ZER1: variants seen among roughly 807,000 people sequenced by gnomAD.
The protein encoded by ZER1 is protein zer-1 homolog.
Under a neutral mutation model 78.8 loss-of-function variants are expected in ZER1, and 11 were observed. The observed-to-expected ratio is 0.14, with a 90% CI of 0.09 to 0.23. ZER1 has a LOEUF of 0.23. ZER1 is among the 10% of genes least tolerant of loss of function. The probability of loss-of-function intolerance (pLI) is 1.00; values close to 1 mark genes in which losing one functional copy is unlikely to be tolerated. For synonymous variants in ZER1, 400 were observed against 407.0 expected (o/e 0.98, Z 0.21); for missense variants, 588 against 996.9 (o/e 0.59, Z 5.52).
At chr9:128,758,027 CTACTAAA>C (rs1357834180) in intron 1 of ZER1, among the ~76,000 whole-genome samples, 2 of 151,428 alleles carry the variant, frequency 1.3e-5, no homozygotes, top group African/African-American at 4.9e-5. Flanking sequence ...GTATATTCAT[CTACTAAA>C]TACTGCATGG....
rs1564401112 is a variant in ZER1 at position 128,750,601 on chromosome 9, C to CG, written c.1359+14dup. On this transcript the variant is annotated intron_variant, in intron 8 of 15. Coordinates refer to ENST00000291900, the MANE Select transcript of ZER1 (RefSeq NM_006336.4). ...TGGGCCAGAGCATGCGGGGCCGTGGCGGGTGGGGGCTCACCGTCACCTCCT... is the reference window on the plus strand; with the variant it reads ...TGGGCCAGAGCATGCGGGGCCGTGGCGGGGTGGGGGCTCACCGTCACCTCCT... The CG allele has an allele frequency of 1.2e-6, 2 of 1,611,158 alleles. No homozygotes were observed. Among genetic ancestry groups the CG allele is most frequent in the South Asian group, 2.2e-5 (2 of 91,014 alleles).
chr9:128,767,616 A>G (rs1308527506), intron 1 of ZER1, among the ~76,000 whole-genome samples: 3 of 152,178 alleles, frequency 2.0e-5, no homozygotes, highest in Non-Finnish European at 2.9e-5. Flanking sequence ...ACAATGGTTG[A>G]AAGATGAGCA....
intron 1 of ZER1, among the ~76,000 whole-genome samples, chr9:128,771,095 CCAAGA>C (rs1268964821): frequency 1.3e-5 from 2 of 152,292 alleles, no homozygotes; most frequent in Non-Finnish European, 2.9e-5. Context: ...CAAAGAGCAG[CCAAGA>C]CAAGTTCCAC....
At chr9:128,735,170 C>T (rs1434409330) in intron 14 of ZER1, among the ~76,000 whole-genome samples, 164 bp downstream of exon 14, 1 of 152,208 alleles carries the variant, frequency 6.6e-6, no homozygotes, top group Non-Finnish European at 1.5e-5. Flanking sequence ...GGAGTGAGCC[C>T]TTAAGCTGGG....
In ZER1 at chr9:128,748,020, C is replaced by G. The variant is rs564979345; in HGVS notation, c.1359+2596G>C. 7.2e-5 allele frequency among the ~76,000 whole-genome samples: 11 copies of G among 152,232 alleles called. No individual in the cohort carries two copies. In the East Asian group the frequency reaches 9.6e-4, roughly 13 times the overall value. ...TTATAATCCCAGCACTTTGGGAAAC[C>G]AAGGCAGGAGGATCACTTGAGCTAG... is the stretch of plus-strand genomic sequence containing the variant. On this transcript the variant is annotated intron_variant, in intron 8 of 15. Transcript: ENST00000291900.
Position 128,752,684 on chromosome 9 carries a change from C to T in ZER1, c.912G>A (p.Ala304=), listed in dbSNP as rs370978823. The change falls in exon 5 of 16, where the codon GCG becomes GCA. Residue 304 remains alanine, a synonymous_variant. Coordinates refer to ENST00000291900, the MANE Select transcript of ZER1 (RefSeq NM_006336.4). ...GGCTGGGGCCCCACCTGGTCTGCCCCGCTTCCTCTTCCATCTTGGAGATGC... is the reference window on the plus strand; with the variant it reads ...GGCTGGGGCCCCACCTGGTCTGCCCTGCTTCCTCTTCCATCTTGGAGATGC... ...NCSISKMEEE[A]GQTSIEPSKS... 40 of 1,612,618 alleles carry T rather than the reference C, an allele frequency of 2.5e-5. 1 individual carries two copies. The highest frequency in any genetic ancestry group is 1.9e-4 in the South Asian group (17 of 90,814).
chr9:128,765,295 G>A (rs1864174377), intron 1 of ZER1, among the ~76,000 whole-genome samples: 1 of 152,070 alleles, frequency 6.6e-6, no homozygotes, highest in Non-Finnish European at 1.5e-5. Context: ...TCTGACTTCG[G>A]TGCCCAATTT....
chr9:128,757,046 GC>G (rs1316224343), intron 1 of ZER1, among the ~76,000 whole-genome samples: 1 of 152,132 alleles, frequency 6.6e-6, no homozygotes, highest in Non-Finnish European at 1.5e-5. Context: ...TTCTGTTCAT[GC>G]ATACACAAAA....
chr9:128,749,179 T>C (rs1235504116), intron 8 of ZER1, among the ~76,000 whole-genome samples: 1 of 150,772 alleles, frequency 6.6e-6, no homozygotes, highest in Non-Finnish European at 1.5e-5. Flanking sequence ...AATACAAATA[T>C]TAGCCTGGCA....
chr9:128,768,627 G>A (rs1410264475), intron 1 of ZER1, among the ~76,000 whole-genome samples: 1 of 152,140 alleles, frequency 6.6e-6, no homozygotes, highest in Non-Finnish European at 1.5e-5. Context: ...TAAGTGCTCT[G>A]ACCTTTCATT....
At position 128,732,482 on chromosome 9, in the gene ZER1, GC is replaced by G. The variant is rs1198788309; in HGVS notation, c.2243+943del. Among the ~76,000 whole-genome samples the G allele has an allele frequency of 2.0e-5, 3 of 152,188 alleles. No homozygotes were observed. The highest frequency in any genetic ancestry group is 4.4e-5 in the Non-Finnish European group (3 of 68,040). The stretch of plus-strand genomic sequence containing the variant: ...CCTCCTGGATTCAAGTGATTCTCCT[GC>G]CTCAGCCTCCCAAGTGGCTGGGATT... On this transcript the variant is annotated intron_variant, in intron 15 of 15. Transcript: ENST00000291900. The surrounding 1 kb of genome is among the most constrained non-coding windows in gnomAD (Gnocchi z 4.8).
rs750423863 is a variant in ZER1 at position 128,751,514 on chromosome 9, T to C, written c.937A>G (p.Lys313Glu). ...EAGQTSIEPS[K>E]SSIIPFRALK... ...GCCCGGAAAGGTATGATGCTGCTCT[T>C]GGAAGGCTCAATGCTGGGGAAAGAG... The change falls in exon 6 of 16, where the codon AAG (lysine) becomes GAG (glutamate). Residue 313 changes from lysine (K) to glutamate (E), a missense_variant. Lys to Glu is a moderately conservative substitution (Grantham distance 56, BLOSUM62 1). Transcript: ENST00000291900. This position sits in a 1 kb window ranked among gnomAD's most constrained non-coding sequence, Gnocchi z 5.4. The C allele has an allele frequency of 1.2e-6, 2 of 1,613,556 alleles. No individual in the cohort carries two copies. The highest frequency in any genetic ancestry group is 1.1e-5 in the South Asian group (1 of 91,086).
chr9:128,752,986 C>G, intron 4 of ZER1, 137 bp from the exon 5 acceptor site: 1 of 1,256,146 alleles, frequency 8.0e-7, no homozygotes, highest in Non-Finnish European at 1.1e-6. Context: ...TGGGAAGAAA[C>G]CCCAAACAGC....
chr9:128,738,070 A>C (rs1231160147), intron 13 of ZER1, among the ~76,000 whole-genome samples: 1 of 142,690 alleles, frequency 7.0e-6, no homozygotes, highest in Non-Finnish European at 1.5e-5. Context: ...TTTGAGACGG[A>C]GTCTCGCTCT....
intron 1 of ZER1, among the ~76,000 whole-genome samples, chr9:128,768,953 T>TC (rs967011090): frequency 1.4e-5 from 2 of 147,214 alleles, no homozygotes; most frequent in African/African-American, 4.9e-5. Context: ...ATTTTAATTC[T>TC]TTTTTTTTTA....
intron 1 of ZER1, among the ~76,000 whole-genome samples, chr9:128,756,080 A>G (rs1199582927): frequency 6.6e-6 from 1 of 152,198 alleles, no homozygotes; most frequent in Admixed American, 6.5e-5. Context: ...TAGACATGAT[A>G]TCACTGAATC....
chr9:128,743,263 G>A (rs1337016415), intron 8 of ZER1, among the ~76,000 whole-genome samples: 4 of 151,878 alleles, frequency 2.6e-5, no homozygotes, highest in Middle Eastern at 3.4e-3. Flanking sequence ...GATTACAGGC[G>A]TGCCACCATG....
At chr9:128,735,757 CCTGGTTTTTTTTT>C (rs1327536496) in intron 13 of ZER1, among the ~76,000 whole-genome samples, 946 of 77,360 alleles carry the variant, frequency 0.012, 162 homozygotes, top group African/African-American at 0.032. Context: ...GCACGTGTGA[CCTGGTTTTTTTTT>C]TTTTTTTTTT....
chr9:128,743,889 CCT>C (rs1863393197), intron 8 of ZER1, among the ~76,000 whole-genome samples: 1 of 141,058 alleles, frequency 7.1e-6, no homozygotes, highest in Non-Finnish European at 1.5e-5. Context: ...TCCAATGGCC[CCT>C]GCTTTTTTTT....
Sources: allele counts gnomAD v4.1 joint callset (sites outside exome capture counted in the v4.1 genomes callset), GRCh38; gene constraint gnomAD v4.1.1; non-coding constraint Gnocchi (gnomAD v3.1); transcripts MANE v1.5; gene names NCBI Gene and HGNC (gene_info 2026-07-23, HGNC 2026-07-21).